The following CAMTA1 variants were observed in gnomAD, a reference collection of about 807,000 sequenced individuals.
CAMTA1 encodes calmodulin-binding transcription activator 1.
In CAMTA1, 27 loss-of-function variants were observed where a neutral mutation model predicts 170.9. The observed-to-expected ratio is 0.16, with a 90% CI of 0.12 to 0.22. CAMTA1 has a LOEUF of 0.22. Among genes scored for constraint, CAMTA1 ranks in the 10% least tolerant of loss-of-function variants. The pLI, the probability that CAMTA1 is intolerant of heterozygous loss-of-function variation, is 1.00. For synonymous variants in CAMTA1, 833 were observed against 891.5 expected (o/e 0.93, Z 1.17); for missense variants, 1,619 against 2,217.2 (o/e 0.73, Z 5.42).
At chr1:7,370,345 G>C (rs1357697059) in intron 5 of CAMTA1, 1 of 152,212 alleles carries the variant, frequency 6.6e-6, no homozygotes, top group African/African-American at 2.4e-5. Flanking sequence ...GTAGAAAATA[G>C]AAGCAAACCC....
At chr1:7,368,646 T>G (rs72865621) in intron 5 of CAMTA1, among the ~76,000 whole-genome samples, 5,089 of 152,284 alleles carry the variant, frequency 0.033, 255 homozygotes, top group African/African-American at 0.11. Context: ...CCTCATCACT[T>G]GGACTGCCTT....
chr1:6,835,795 C>G (rs912905803), intron 3 of CAMTA1, among the ~76,000 whole-genome samples: 3 of 152,104 alleles, frequency 2.0e-5, no homozygotes, highest in African/African-American at 7.2e-5. Context: ...CTAGTAGGCA[C>G]CTAAAAGTTG....
At position 7,013,209 on chromosome 1, in the gene CAMTA1, CTTTT is replaced by C. The variant is rs969077771; in HGVS notation, c.235-78075_235-78072del. ...TCCAGGCCCTGCCTTTGCCCTTCTT[CTTTT>C]TTTTTTTTTTTTTTTTTTTGAGATA... is the stretch of plus-strand genomic sequence containing the variant. On this transcript the variant is annotated intron_variant, in intron 3 of 22. Coordinates refer to ENST00000303635, the MANE Select transcript of CAMTA1 (RefSeq NM_015215.4). Among the ~76,000 whole-genome samples, 31 of 84,190 alleles carry C rather than the reference CTTTT, an allele frequency of 3.7e-4. No homozygotes were observed. In the East Asian group the frequency reaches 6.0e-3, roughly 16 times the overall value. The allele number at this position is 84,190 out of a possible 152,430, so 55.2% of individuals were successfully genotyped here. A position where few individuals can be genotyped will look rare whatever the true frequency, so the allele number is the denominator to read the frequency against.
intron 4 of CAMTA1, among the ~76,000 whole-genome samples, chr1:7,222,972 C>A (rs1035480548): frequency 6.6e-6 from 1 of 152,242 alleles, no homozygotes; most frequent in Admixed American, 6.5e-5. Flanking sequence ...CAGAAAATAC[C>A]AACTCACCCA....
chr1:7,348,429 C>A (rs1394782912), intron 5 of CAMTA1, among the ~76,000 whole-genome samples: 1 of 152,188 alleles, frequency 6.6e-6, no homozygotes, highest in Non-Finnish European at 1.5e-5. Context: ...GATTGATGGT[C>A]CTGGGGGTCG....
intron 11 of CAMTA1, among the ~76,000 whole-genome samples, chr1:7,697,427 C>T (rs2096388424): frequency 6.6e-6 from 1 of 152,250 alleles, no homozygotes; most frequent in Non-Finnish European, 1.5e-5. Flanking sequence ...TCAGGGCCAT[C>T]TGACATTGCA....
At chr1:6,895,049 T>TGTGGG (rs1675332948) in intron 3 of CAMTA1, among the ~76,000 whole-genome samples, 1 of 152,156 alleles carries the variant, frequency 6.6e-6, no homozygotes, top group South Asian at 2.1e-4. Context: ...TGAGCCTGTG[T>TGTGGG]GTGGGCCTGA....
intron 6 of CAMTA1, among the ~76,000 whole-genome samples, chr1:7,615,082 C>G (rs112132704): frequency 1.3e-5 from 2 of 152,154 alleles, no homozygotes; most frequent in Admixed American, 6.5e-5. Context: ...TTCATCCATA[C>G]GACGTGTTTG....
intron 21 of CAMTA1, 116 bp downstream of exon 21, chr1:7,752,649 G>A (rs1207263161): frequency 1.3e-6 from 1 of 774,504 alleles, no homozygotes; most frequent in Non-Finnish European, 2.0e-6. Flanking sequence ...AATCAGGGCA[G>A]ACGTCCCAAA....
In CAMTA1 at chr1:7,103,138, T is replaced by TG. The variant is rs576168032; in HGVS notation, c.302+11773dup. ...GGTGCAGTGGGGGTTCCCAGCGGGGTGGGGGGTACCCTTGAACAGGGTACC... is the reference window on the plus strand; with the variant it reads ...GGTGCAGTGGGGGTTCCCAGCGGGGTGGGGGGGTACCCTTGAACAGGGTACC... On this transcript the variant is annotated intron_variant, in intron 4 of 22. Coordinates refer to ENST00000303635, the MANE Select transcript of CAMTA1 (RefSeq NM_015215.4). Among the ~76,000 whole-genome samples, 17 of 150,166 alleles carry TG rather than the reference T, an allele frequency of 1.1e-4. No individual in the cohort carries two copies. The South Asian group carries it at 3.6e-3, about 32-fold the overall frequency.
chr1:7,456,915 G>A lies in CAMTA1; in HGVS notation c.439-10915G>A, dbSNP rs538924691. ...CTGACGAGAACAGCCCATGTGGAGC[G>A]TGCAGCAAGGCCCAGATGGGAGCAG... On this transcript the variant is annotated intron_variant, in intron 5 of 22. Transcript: ENST00000303635. The surrounding 1 kb of genome is among the most constrained non-coding windows in gnomAD (Gnocchi z 4.9). Among the ~76,000 whole-genome samples, 22 of 152,284 alleles carry A rather than the reference G, an allele frequency of 1.4e-4. No individual in the cohort carries two copies. The highest frequency in any genetic ancestry group is 2.9e-4 in the African/African-American group (12 of 41,564).
intron 3 of CAMTA1, among the ~76,000 whole-genome samples, chr1:7,058,178 G>A (rs1257646773): frequency 1.3e-5 from 2 of 151,170 alleles, no homozygotes; most frequent in Non-Finnish European, 3.0e-5. Flanking sequence ...CCCGCATCAC[G>A]ACGCATCTAG....
chr1:7,677,557 A>C, intron 10 of CAMTA1, 42 bp from the exon 11 acceptor site: 1 of 1,597,522 alleles, frequency 6.3e-7, no homozygotes. Context: ...GGCTGTAGGT[A>C]CCCACCCATC....
At chr1:7,677,521 C>A in intron 10 of CAMTA1, 78 bp from the exon 11 acceptor site, 1 of 1,491,296 alleles carries the variant, frequency 6.7e-7, no homozygotes, top group Admixed American at 1.9e-5. Flanking sequence ...GGGGAGGGGA[C>A]ATTCCAGGCC....
intron 5 of CAMTA1, among the ~76,000 whole-genome samples, chr1:7,355,065 G>T (rs1450034768): frequency 6.6e-6 from 1 of 151,984 alleles, no homozygotes; most frequent in Non-Finnish European, 1.5e-5. Flanking sequence ...AATTATCCAG[G>T]CATGGTGGTG....
At chr1:7,027,077 C>T (rs1284758739) in intron 3 of CAMTA1, among the ~76,000 whole-genome samples, 1 of 152,078 alleles carries the variant, frequency 6.6e-6, no homozygotes, top group African/African-American at 2.4e-5. Context: ...TTCATGTGAA[C>T]CATGGTTGAA....
chr1:7,314,844 G>C (rs2149644569), intron 5 of CAMTA1, among the ~76,000 whole-genome samples: 1 of 152,286 alleles, frequency 6.6e-6, no homozygotes, highest in Admixed American at 6.5e-5. Context: ...GTACTTTGCT[G>C]TGCATCTGAG....
At chr1:7,231,165 C>A (rs943547033) in intron 4 of CAMTA1, among the ~76,000 whole-genome samples, 2 of 152,170 alleles carry the variant, frequency 1.3e-5, no homozygotes, top group Non-Finnish European at 2.9e-5. Flanking sequence ...CAGGCAACCT[C>A]CTGGCCCCTT....
intron 3 of CAMTA1, among the ~76,000 whole-genome samples, chr1:6,958,440 T>C (rs1689838041): frequency 6.6e-6 from 1 of 152,082 alleles, no homozygotes; most frequent in African/African-American, 2.4e-5. Context: ...GCAGCTGGAC[T>C]CTCCTCTCGG....
Sources: gnomAD v4.1 joint callset for allele counts (sites outside exome capture counted in the v4.1 genomes callset) on GRCh38, gnomAD v4.1.1 for gene constraint, Gnocchi (gnomAD v3.1) non-coding constraint, MANE v1.5 for transcripts, NCBI Gene and HGNC (gene_info 2026-07-23, HGNC 2026-07-21) for gene names.